IRAK3: variants seen among roughly 807,000 people sequenced by gnomAD.
IRAK3 encodes the protein interleukin-1 receptor-associated kinase 3.
IRAK3 carries 57 observed loss-of-function variants against 56.6 expected under a neutral mutation model. The ratio of observed to expected loss-of-function variants is 1.01; its 90% CI spans 0.81 to 1.26. The LOEUF is 1.26. Among genes scored for constraint, IRAK3 ranks in the 50% most tolerant of loss-of-function variants. The probability of loss-of-function intolerance (pLI) is 0.00; values close to 1 mark genes in which losing one functional copy is unlikely to be tolerated. For missense variants in IRAK3, 703 were observed against 719.0 expected, an observed-to-expected ratio of 0.98 and a Z score of 0.25; for synonymous variants, 258 against 255.7, an observed-to-expected ratio of 1.01 and a Z score of -0.09.
intron 1 of IRAK3, chr12:66,197,532 T>A: frequency 2.0e-6 from 2 of 985,228 alleles, no homozygotes; most frequent in Non-Finnish European, 2.4e-6. Flanking sequence ...GAAAAGCTAT[T>A]AAGGTTGCAG....
chr12:66,198,864 T>G (rs1023586260), intron 1 of IRAK3, among the ~76,000 whole-genome samples: 2 of 151,144 alleles, frequency 1.3e-5, no homozygotes, highest in Non-Finnish European at 2.9e-5. Flanking sequence ...CAAGCTATCC[T>G]CCCACCTCAG....
At position 66,251,835 on chromosome 12, in the gene IRAK3, A is replaced by T. The variant is rs1314811256; in HGVS notation, c.*3664A>T. ...CAAAGTAAGACACAGTTTAATAAGG[A>T]AGACAGGGCATCTACCCAAGTCAAC... On this transcript the variant is annotated 3_prime_UTR_variant, in exon 12 of 12. Transcript: ENST00000261233. 6.6e-6 allele frequency: 1 copy of T among 152,206 alleles called. No individual in the cohort carries two copies. The highest frequency in any genetic ancestry group is 2.4e-5 in the African/African-American group (1 of 41,440). The allele number at this position is 152,206 out of a possible 1,614,324, so 9.4% of individuals were successfully genotyped here.
chr12:66,203,780 G>A lies in IRAK3; in HGVS notation c.203G>A (p.Gly68Glu), dbSNP rs1565800117. 6.2e-7 allele frequency: 1 copy of A among 1,613,948 alleles called. No homozygotes were observed. Among genetic ancestry groups the A allele is most frequent in the Admixed American group, 1.7e-5 (1 of 59,980 alleles). ...AAGTATGTAGACCAAGGTAAAAGTG[G>A]AACAAGAGAATTACTTTGGTCCTGG... ...IEKYVDQGKS[G>E]TRELLWSWAQ... is the part of the protein sequence containing the mutation. Residue 68 changes from glycine (G) to glutamate (E), a missense_variant, in exon 2 of 12, where the codon GGA (glycine) becomes GAA (glutamate). Transcript: ENST00000261233.
At position 66,248,398 on chromosome 12, in the gene IRAK3, C is replaced by T; in HGVS notation, c.*227C>T. ...AGGATAATTGTCTCATGACCAAATC[C>T]ACGCTCAATTAGAGCCATTCAAAAT... On this transcript the variant is annotated 3_prime_UTR_variant, in exon 12 of 12. Transcript: ENST00000261233. The T allele has an allele frequency of 2.2e-6, 1 of 461,918 alleles. No individual in the cohort carries two copies. The highest frequency in any genetic ancestry group is 3.9e-6 in the Non-Finnish European group (1 of 256,564). 28.6% of individuals were successfully genotyped at this position (461,918 alleles called of 1,614,324 possible). A position where few individuals can be genotyped will look rare whatever the true frequency, so the allele number is the denominator to read the frequency against.
intron 2 of IRAK3, among the ~76,000 whole-genome samples, chr12:66,209,161 A>G (rs1182735787): frequency 2.6e-5 from 4 of 151,170 alleles, no homozygotes; most frequent in Non-Finnish European, 5.9e-5. Flanking sequence ...TTGTCTTATT[A>G]CTTGTTTATT....
Position 66,189,334 on chromosome 12 carries a change from C to A in IRAK3, c.35C>A (p.Ser12Ter), listed in dbSNP as rs1213842807. ...AACTGTGGGGCCCGCGGCGCGCTGT[C>A]GGCGCACACGCTGCTGTTCGACCTG... ...AGNCGARGAL[S>*]AHTLLFDLPP... The change falls in exon 1 of 12, where the codon TCG (serine) becomes TAG (stop). Residue 12 changes from serine to a stop codon, truncating the protein, a stop_gained. Transcript: ENST00000261233. LOFTEE classifies it high-confidence loss of function. The A allele has an allele frequency of 1.4e-5, 22 of 1,532,682 alleles. No homozygotes were observed. The highest frequency in any genetic ancestry group is 1.7e-5 in the Non-Finnish European group (20 of 1,145,838). 94.9% of individuals were successfully genotyped at this position (1,532,682 alleles called of 1,614,324 possible).
intron 4 of IRAK3, among the ~76,000 whole-genome samples, chr12:66,210,707 G>A (rs1475204384): frequency 1.3e-5 from 2 of 152,042 alleles, no homozygotes; most frequent in South Asian, 2.1e-4. Flanking sequence ...TTAAGGCTGC[G>A]TTGCCTAGTC....
intron 8 of IRAK3, among the ~76,000 whole-genome samples, chr12:66,239,495 G>A (rs765882220): frequency 6.6e-6 from 1 of 152,222 alleles, no homozygotes; most frequent in South Asian, 2.1e-4. Flanking sequence ...ATCCCCAGAC[G>A]GGAAGGTTGG....
chr12:66,189,968 G>T (rs1477263350), intron 1 of IRAK3, among the ~76,000 whole-genome samples: 8 of 152,122 alleles, frequency 5.3e-5, no homozygotes, highest in African/African-American at 1.9e-4. Flanking sequence ...GTTGAATGAA[G>T]GTTTATGCTA....
intron 5 of IRAK3, among the ~76,000 whole-genome samples, chr12:66,212,126 G>T (rs919176510): frequency 8.0e-6 from 1 of 125,268 alleles, no homozygotes; most frequent in Non-Finnish European, 1.8e-5. Context: ...AAAAAAAAAA[G>T]ACTTCTGAAA....
Position 66,247,948 on chromosome 12 carries a change from C to A in IRAK3, c.1568C>A (p.Pro523Gln), listed in dbSNP as rs746800484. 2.5e-6 allele frequency: 4 copies of A among 1,613,684 alleles called. No homozygotes were observed. The highest frequency in any genetic ancestry group is 2.5e-6 in the Non-Finnish European group (3 of 1,179,924). Reference protein sequence around the residue: ...EVMFLSLDKKPESKRNEEACN... With the variant: ...EVMFLSLDKKQESKRNEEACN... Reference sequence around the variant, plus strand: ...ATGTTTCTGAGCTTGGACAAAAAGCCAGAGAGCAAGAGAAATGAGGAAGCT... The same window carrying A: ...ATGTTTCTGAGCTTGGACAAAAAGCAAGAGAGCAAGAGAAATGAGGAAGCT... The change falls in exon 12 of 12, where the codon CCA becomes CAA. Residue 523 changes from proline to glutamine, a missense_variant. Coordinates refer to ENST00000261233, the MANE Select transcript of IRAK3 (RefSeq NM_007199.3).
chr12:66,189,479 C>G, intron 1 of IRAK3, 47 bp downstream of exon 1: 1 of 1,119,642 alleles, frequency 8.9e-7, no homozygotes, highest in Non-Finnish European at 1.1e-6. Context: ...GCCCAGCGCG[C>G]CGCGGGGCCC....
chr12:66,245,233 C>T lies in IRAK3; in HGVS notation c.1285C>T (p.Arg429Trp), dbSNP rs199538395. The change falls in exon 11 of 12, where the codon CGG becomes TGG. Residue 429 changes from arginine (R) to tryptophan (W), a missense_variant. Transcript: ENST00000261233. ...TTTGGCAGGCCGGTGTGCTGCAACGCGGGCAAAGTTAAGACCATCAATGGA... is the reference window on the plus strand; with the variant it reads ...TTTGGCAGGCCGGTGTGCTGCAACGTGGGCAAAGTTAAGACCATCAATGGA... ...FCLAGRCAAT[R>W]AKLRPSMDEV... 234 of 1,613,940 alleles carry T rather than the reference C, an allele frequency of 1.4e-4. No homozygotes were observed. The highest frequency in any genetic ancestry group is 1.9e-4 in the Non-Finnish European group (222 of 1,180,034).
At chr12:66,203,529 G>GT (rs2052528510) in intron 1 of IRAK3, among the ~76,000 whole-genome samples, 182 bp from the exon 2 acceptor site, 1 of 152,190 alleles carries the variant, frequency 6.6e-6, no homozygotes, top group Non-Finnish European at 1.5e-5. Flanking sequence ...ATTGTGGTTA[G>GT]TAAGATGTCA....
chr12:66,246,167 G>A lies in IRAK3; in HGVS notation c.1314+905G>A, dbSNP rs551942359. Among the ~76,000 whole-genome samples, 101 of 152,118 alleles carry A rather than the reference G, an allele frequency of 6.6e-4. 1 individual carries two copies. Among genetic ancestry groups the A allele is most frequent in the Admixed American group, 2.9e-3 (44 of 15,274 alleles). On this transcript the variant is annotated intron_variant, in intron 11 of 11. Transcript: ENST00000261233. ...AAGGAAGCTTTTTGATAGATATGAC[G>A]GTTTAGCTAAGATCTGAAAAACAGG...
intron 11 of IRAK3, among the ~76,000 whole-genome samples, chr12:66,246,462 G>A (rs2164601): frequency 0.022 from 3,299 of 152,312 alleles, 136 homozygotes; most frequent in African/African-American, 0.076. Context: ...GACATAATCA[G>A]AATATAAACA....
At chr12:66,219,407 G>A (rs1024501638) in intron 6 of IRAK3, among the ~76,000 whole-genome samples, 2 of 152,220 alleles carry the variant, frequency 1.3e-5, no homozygotes, top group Non-Finnish European at 2.9e-5. Context: ...CTCAGCACAT[G>A]CTCTGTTCTT....
chr12:66,236,363 A>G (rs925185375), intron 8 of IRAK3, among the ~76,000 whole-genome samples: 4 of 149,108 alleles, frequency 2.7e-5, no homozygotes, highest in African/African-American at 9.9e-5. Context: ...AGCCTGGCCA[A>G]CATGCTGAAA....
At chr12:66,191,870 A>G (rs1285748757) in intron 1 of IRAK3, among the ~76,000 whole-genome samples, 1 of 152,210 alleles carries the variant, frequency 6.6e-6, no homozygotes, top group Non-Finnish European at 1.5e-5. Context: ...GTAATATACT[A>G]AGTAAAGCTC....
Sources: gnomAD v4.1 joint callset for allele counts (sites outside exome capture counted in the v4.1 genomes callset) on GRCh38, gnomAD v4.1.1 for gene constraint, MANE v1.5 for transcripts, NCBI Gene and HGNC (gene_info 2026-07-23, HGNC 2026-07-21) for gene names.